FAM117A: variants seen among roughly 807,000 people sequenced by gnomAD.
The protein encoded by FAM117A is protein FAM117A.
FAM117A carries 21 observed loss-of-function variants against 44.1 expected under a neutral mutation model. The ratio of observed to expected loss-of-function variants is 0.48; its 90% CI spans 0.34 to 0.69. The LOEUF (loss-of-function observed/expected upper bound fraction) is 0.69. Among genes scored for constraint, FAM117A ranks in the 30% least tolerant of loss-of-function variants. FAM117A has a pLI of 0.01. For missense variants in FAM117A, 498 were observed against 589.9 expected, an observed-to-expected ratio of 0.84 and a Z score of 1.61; for synonymous variants, 220 against 238.3, an observed-to-expected ratio of 0.92 and a Z score of 0.71.
intron 1 of FAM117A, among the ~76,000 whole-genome samples, chr17:49,747,487 G>C (rs2073658606): frequency 6.6e-6 from 1 of 152,162 alleles, no homozygotes; most frequent in African/African-American, 2.4e-5. Flanking sequence ...AACTATTCAA[G>C]TTCCTCAGGG....
intron 4 of FAM117A, 133 bp from the exon 5 acceptor site, chr17:49,720,027 A>G (rs1207007503): frequency 8.0e-7 from 1 of 1,257,814 alleles, no homozygotes; most frequent in Non-Finnish European, 1.1e-6. Flanking sequence ...GGACAGTTAC[A>G]GATTGCAATA....
chr17:49,713,812 C>A (rs996971662), intron 7 of FAM117A, among the ~76,000 whole-genome samples: 1 of 152,114 alleles, frequency 6.6e-6, no homozygotes, highest in Non-Finnish European at 1.5e-5. Flanking sequence ...AGCCAATTAC[C>A]ATCTTAATTC....
At chr17:49,744,695 C>T (rs575312024) in intron 1 of FAM117A, among the ~76,000 whole-genome samples, 70 of 151,658 alleles carry the variant, frequency 4.6e-4, no homozygotes, top group Non-Finnish European at 4.7e-4. Context: ...AAATAGTTGT[C>T]GTACTGTATT....
intron 1 of FAM117A, among the ~76,000 whole-genome samples, chr17:49,748,627 AT>A (rs950560081): frequency 1.3e-5 from 2 of 152,202 alleles, no homozygotes; most frequent in Non-Finnish European, 2.9e-5. Context: ...CTGAAAAAAA[AT>A]ATTTTGATGA....
chr17:49,740,293 G>C (rs1443489193), intron 1 of FAM117A, among the ~76,000 whole-genome samples: 1 of 151,870 alleles, frequency 6.6e-6, no homozygotes, highest in Non-Finnish European at 1.5e-5. Flanking sequence ...TGTCCCTCAG[G>C]CTGGAGTGCA....
At chr17:49,762,893 T>C (rs369240468) in intron 1 of FAM117A, among the ~76,000 whole-genome samples, 7 of 152,168 alleles carry the variant, frequency 4.6e-5, no homozygotes, top group African/African-American at 1.4e-4. Context: ...AAAGCAAGGT[T>C]AAGTTTGCTT....
At chr17:49,762,452 A>G (rs1273793671) in intron 1 of FAM117A, among the ~76,000 whole-genome samples, 2 of 152,218 alleles carry the variant, frequency 1.3e-5, no homozygotes, top group Non-Finnish European at 1.5e-5. Context: ...GATTTGACCA[A>G]GTTTCTGCAT....
chr17:49,724,351 C>T (rs1163280618), intron 2 of FAM117A: 2 of 456,164 alleles, frequency 4.4e-6, no homozygotes, highest in Non-Finnish European at 8.8e-6. Context: ...CTAAAGGGAC[C>T]GTTCTGCCCA....
intron 3 of FAM117A, among the ~76,000 whole-genome samples, chr17:49,721,404 A>G (rs1391217063): frequency 6.6e-6 from 1 of 152,228 alleles, no homozygotes; most frequent in African/African-American, 2.4e-5. Context: ...AAGAAGAAAG[A>G]GCTTTCCAAT....
chr17:49,771,004 C>T lies in FAM117A; in HGVS notation c.-621+17493G>A, dbSNP rs562563337. The stretch of plus-strand genomic sequence containing the variant: ...GGTGAATCACTTGAGGTCAGGAGTT[C>T]GAGACCAGCCTGGCCAACATGGAGA... On this transcript the variant is annotated intron_variant, in intron 1 of 7. Coordinates refer to the FAM117A transcript ENST00000513602. Among the ~76,000 whole-genome samples, 5 of 152,186 alleles carry T rather than the reference C, an allele frequency of 3.3e-5. No individual in the cohort carries two copies. In the South Asian group the frequency reaches 6.2e-4, roughly 19 times the overall value.
chr17:49,788,680 C>T (rs2073838479), upstream of FAM117A: 7 of 774,244 alleles, frequency 9.0e-6, no homozygotes, highest in East Asian at 2.3e-4. Flanking sequence ...GCGGCGCCTG[C>T]GCAGAACGCT....
Position 49,711,385 on chromosome 17 carries a change from G to C in FAM117A, c.1232C>G (p.Pro411Arg). Residue 411 changes from proline (P) to arginine (R), a missense_variant, in exon 8 of 8, where the codon CCG becomes CGG. Physicochemically the swap from Pro to Arg is moderately radical, Grantham distance 103 (BLOSUM62 -2). Transcript: ENST00000240364. Reference protein sequence around the residue: ...CPSNPGSPLPPASPRPPPRKD... With the variant: ...CPSNPGSPLPRASPRPPPRKD... Reference sequence around the variant, plus strand: ...CCGAGGTGGTGGCCTGGGGCTGGCCGGGGGAAGGGGAGATCCCGGGTTTGA... The same window carrying C: ...CCGAGGTGGTGGCCTGGGGCTGGCCCGGGGAAGGGGAGATCCCGGGTTTGA... 6.2e-7 allele frequency: 1 copy of C among 1,611,668 alleles called. No individual in the cohort carries two copies. Among genetic ancestry groups the C allele is most frequent in the Non-Finnish European group, 8.5e-7 (1 of 1,178,932 alleles).
upstream of FAM117A, among the ~76,000 whole-genome samples, chr17:49,767,319 C>T (rs2073748373): frequency 6.6e-6 from 1 of 152,218 alleles, no homozygotes; most frequent in Admixed American, 6.5e-5. Flanking sequence ...TGCAACAAAA[C>T]CTTTGCCACT....
chr17:49,741,934 C>G (rs1209756455), intron 1 of FAM117A, among the ~76,000 whole-genome samples: 1 of 152,032 alleles, frequency 6.6e-6, no homozygotes, highest in African/African-American at 2.4e-5. Context: ...GAGTTAGAAG[C>G]CCTCCTTGGA....
At chr17:49,772,611 G>T (rs1220640235) in intron 1 of FAM117A, among the ~76,000 whole-genome samples, 2 of 151,984 alleles carry the variant, frequency 1.3e-5, no homozygotes, top group Non-Finnish European at 2.9e-5. Context: ...AATTAGCCGG[G>T]TGTGGTGGTG....
intron 2 of FAM117A, among the ~76,000 whole-genome samples, chr17:49,730,771 A>T (rs1419135895): frequency 6.6e-6 from 1 of 152,226 alleles, no homozygotes; most frequent in African/African-American, 2.4e-5. Flanking sequence ...CAGGGCTCCC[A>T]GGAAGGAAGC....
chr17:49,724,744 T>G lies in FAM117A; in HGVS notation c.367-2150A>C, dbSNP rs2073551699. On this transcript the variant is annotated intron_variant, in intron 2 of 7. Coordinates refer to ENST00000240364, the MANE Select transcript of FAM117A (RefSeq NM_030802.4). ...GCTGAGGCACGAGAATTGCTTGAAC[T>G]CAAGAGGTAGAGGTTGCAGTGAGCT... 2.9e-5 allele frequency among the ~76,000 whole-genome samples: 4 copies of G among 140,154 alleles called. No individual in the cohort carries two copies. In the South Asian group the frequency reaches 6.4e-4, roughly 23 times the overall value. 91.9% of individuals were successfully genotyped at this position (140,154 alleles called of 152,430 possible). A position where few individuals can be genotyped will look rare whatever the true frequency, so the allele number is the denominator to read the frequency against.
At position 49,720,413 on chromosome 17, in the gene FAM117A, C is replaced by T. The variant is rs1057358734; in HGVS notation, c.486G>A (p.Leu162=). ...CACTGCGGCTCAGCTTCGTCCTCTG[C>T]AGTTGTTGCTTCAACTTGGAAATCT... ...RKEISKLKQQ[L]QRTKLSRSGK... is the part of the protein sequence containing the mutation. Residue 162 remains leucine, a synonymous_variant, in exon 4 of 8, where the codon CTG becomes CTA. Coordinates refer to ENST00000240364, the MANE Select transcript of FAM117A (RefSeq NM_030802.4). The T allele has an allele frequency of 3.1e-6, 5 of 1,613,390 alleles. No homozygotes were observed. In the African/African-American group the frequency reaches 5.3e-5, roughly 17 times the overall value.
chr17:49,749,614 G>A (rs1032204819), intron 1 of FAM117A, among the ~76,000 whole-genome samples: 1 of 146,716 alleles, frequency 6.8e-6, no homozygotes, highest in Non-Finnish European at 1.5e-5. Flanking sequence ...GATTGTTGAG[G>A]GCAGAACACA....
Sources: allele counts gnomAD v4.1 joint callset (sites outside exome capture counted in the v4.1 genomes callset), GRCh38; gene constraint gnomAD v4.1.1; transcripts MANE v1.5; gene names NCBI Gene and HGNC (gene_info 2026-07-23, HGNC 2026-07-21).